The following KLF13 variants were observed in gnomAD, a reference collection of about 807,000 sequenced individuals.
KLF13 encodes KLF transcription factor 13.
KLF13 carries 8 observed loss-of-function variants against 16.7 expected under a neutral mutation model. That is an observed-to-expected ratio of 0.48 (90% CI 0.28 to 0.87). The LOEUF is 0.87. Among genes scored for constraint, KLF13 ranks in the 40% least tolerant of loss-of-function variants. KLF13 has a pLI of 0.10. For missense variants in KLF13, 447 were observed against 452.2 expected, an observed-to-expected ratio of 0.99 and a Z score of 0.10; for synonymous variants, 245 against 208.4, an observed-to-expected ratio of 1.18 and a Z score of -1.51.
chr15:31,368,679 C>G (rs1237533442), intron 1 of KLF13, among the ~76,000 whole-genome samples: 1 of 152,156 alleles, frequency 6.6e-6, no homozygotes, highest in Non-Finnish European at 1.5e-5. Context: ...CATGGTGAAA[C>G]TCTGTCTCTA....
At chr15:31,403,520 G>A (rs1237870462) in exon 3 of KLF13, 1 of 152,262 alleles carries the variant, frequency 6.6e-6, no homozygotes, top group Non-Finnish European at 1.5e-5. Flanking sequence ...TTGTAAATGA[G>A]TGGATGAGCC....
intron 1 of KLF13, among the ~76,000 whole-genome samples, chr15:31,344,398 G>A (rs2039079345): frequency 6.6e-6 from 1 of 152,266 alleles, no homozygotes; most frequent in African/African-American, 2.4e-5. Context: ...TGTCTGGCTG[G>A]CAAGGGCTCC....
chr15:31,381,357 T>A (rs2039724487), downstream of KLF13, among the ~76,000 whole-genome samples: 1 of 152,194 alleles, frequency 6.6e-6, no homozygotes, highest in African/African-American at 2.4e-5. Flanking sequence ...CTTGTTTTCC[T>A]TCCCAGCTTG....
At chr15:31,341,722 A>G (rs1227995772) in intron 1 of KLF13, among the ~76,000 whole-genome samples, 1 of 152,084 alleles carries the variant, frequency 6.6e-6, no homozygotes, top group Admixed American at 6.5e-5. Flanking sequence ...GTTTTAAAGC[A>G]GGTGCTGGGT....
intron 1 of KLF13, among the ~76,000 whole-genome samples, chr15:31,428,229 T>C (rs532607534): frequency 1.3e-5 from 2 of 152,280 alleles, no homozygotes; most frequent in South Asian, 2.1e-4. Context: ...AGGATCATTG[T>C]TGTTCAGTGG....
intron 1 of KLF13, among the ~76,000 whole-genome samples, chr15:31,428,820 A>AAAAAAAAGAAAAG: frequency 1.4e-5 from 1 of 72,650 alleles, no homozygotes; most frequent in Non-Finnish European, 2.3e-5. Flanking sequence ...AAAAAAAAAA[A>AAAAAAAAGAAAAG]AAAAAGAAAA....
rs79398057 is a variant in KLF13, at chr15:31,413,414, C to T, written n.117+19723C>T. 5.1e-3 allele frequency among the ~76,000 whole-genome samples: 770 copies of T among 152,042 alleles called. 10 individuals carry two copies. The highest frequency in any genetic ancestry group is 0.018 in the African/African-American group (743 of 41,480). Reference sequence around the variant, plus strand: ...AACAGGATAAATTAGAAAAGATTTACGAACAAAAACATCATGGTGAAAACC... The same window carrying T: ...AACAGGATAAATTAGAAAAGATTTATGAACAAAAACATCATGGTGAAAACC... On this transcript the variant is annotated intron_variant and non_coding_transcript_variant, in intron 1 of 1. Coordinates refer to the KLF13 transcript ENST00000558225.
At chr15:31,420,593 TG>T in intron 1 of KLF13, 1 of 441,292 alleles carries the variant, frequency 2.3e-6, no homozygotes, top group Non-Finnish European at 4.2e-6. Context: ...TGTTGAGTTC[TG>T]GAAAAACCCT....
rs1406659581 is a variant in KLF13 at position 31,377,450 on chromosome 15, T to C, written c.*5151T>C. The C allele has an allele frequency of 6.6e-6, 1 of 152,104 alleles. No individual in the cohort carries two copies. The highest frequency in any genetic ancestry group is 1.5e-5 in the Non-Finnish European group (1 of 68,078). The allele number at this position is 152,104 out of a possible 1,614,324, so 9.4% of individuals were successfully genotyped here. A position where few individuals can be genotyped will look rare whatever the true frequency, so the allele number is the denominator to read the frequency against. On this transcript the variant is annotated 3_prime_UTR_variant, in exon 2 of 2. Coordinates refer to ENST00000307145, the MANE Select transcript of KLF13 (RefSeq NM_015995.4). ...CCTTGGTGACTGGGAATTGCTTGTG[T>C]GCATGTGTTGGGTGCATGCTTCCGG... is the stretch of plus-strand genomic sequence containing the variant.
chr15:31,410,582 AACACACACACACACAC>A (rs71110871), intron 1 of KLF13, among the ~76,000 whole-genome samples: 1,477 of 146,926 alleles, frequency 0.01, 23 homozygotes, highest in East Asian at 0.013. Context: ...AACACCAACC[AACACACACACACACAC>A]ACACACACAC....
chr15:31,378,847 G>C (rs2039689975), downstream of KLF13, among the ~76,000 whole-genome samples: 1 of 152,164 alleles, frequency 6.6e-6, no homozygotes, highest in Non-Finnish European at 1.5e-5. Flanking sequence ...AGCTTCCTGA[G>C]TAGCTGGGAT....
chr15:31,433,947 C>A (rs1220905044), intron 1 of KLF13, among the ~76,000 whole-genome samples: 2 of 152,224 alleles, frequency 1.3e-5, no homozygotes, highest in African/African-American at 4.8e-5. Context: ...GGCCCCAGAC[C>A]ACCAGGAGAC....
intron 1 of KLF13, among the ~76,000 whole-genome samples, chr15:31,432,687 C>T (rs572813994): frequency 4.6e-5 from 7 of 151,646 alleles, no homozygotes; most frequent in Admixed American, 3.3e-4. Context: ...TGGACTCAAG[C>T]GATCCTCTTG....
intron 1 of KLF13, among the ~76,000 whole-genome samples, chr15:31,366,723 C>T (rs2039477447): frequency 6.6e-6 from 1 of 152,252 alleles, no homozygotes; most frequent in Non-Finnish European, 1.5e-5. Context: ...CCTGGCTGGC[C>T]CCTCACCTCA....
intron 1 of KLF13, chr15:31,420,729 G>A (rs1245694651): frequency 4.0e-6 from 1 of 251,764 alleles, no homozygotes; most frequent in Non-Finnish European, 7.5e-6. Context: ...GTCTTGCTCT[G>A]TTGCCCAGGC....
At chr15:31,330,198 G>C (rs2038801979) in intron 1 of KLF13, among the ~76,000 whole-genome samples, 1 of 152,226 alleles carries the variant, frequency 6.6e-6, no homozygotes, top group Admixed American at 6.5e-5. Context: ...TGAGAAGGCA[G>C]GGCACAAGGT....
intron 1 of KLF13, among the ~76,000 whole-genome samples, chr15:31,424,446 A>G (rs1330325811): frequency 2.6e-5 from 4 of 152,200 alleles, no homozygotes; most frequent in Non-Finnish European, 5.9e-5. Flanking sequence ...TATCACATTA[A>G]AAGAATGGAG....
At chr15:31,434,247 CACAGCTGCACACAGCTGGACAT>C (rs1461783038) in intron 1 of KLF13, among the ~76,000 whole-genome samples, 1 of 152,188 alleles carries the variant, frequency 6.6e-6, no homozygotes, top group Non-Finnish European at 1.5e-5. Context: ...CTCAGGTTCA[CACAGCTGCACACAGCTGGACAT>C]ACAGCTGCCC....
In KLF13 at chr15:31,411,628, A is replaced by G. The variant is rs1156435083; in HGVS notation, n.117+17937A>G. Among the ~76,000 whole-genome samples, 8 of 149,490 alleles carry G rather than the reference A, an allele frequency of 5.4e-5. No individual in the cohort carries two copies. In the East Asian group the frequency reaches 1.4e-3, roughly 26 times the overall value. ...CACCGTGTTAGCCAGGATGGTCTCC[A>G]TGTCCTGATCTTGTGATCCACTCAC... is the stretch of plus-strand genomic sequence containing the variant. On this transcript the variant is annotated intron_variant and non_coding_transcript_variant, in intron 1 of 1. Coordinates refer to the KLF13 transcript ENST00000558225.
Sources: gnomAD v4.1 joint callset for allele counts (sites outside exome capture counted in the v4.1 genomes callset) on GRCh38, gnomAD v4.1.1 for gene constraint, MANE v1.5 for transcripts, NCBI Gene and HGNC (gene_info 2026-07-23, HGNC 2026-07-21) for gene names.